RAD54L2: variants seen among roughly 807,000 people sequenced by gnomAD.
The protein encoded by RAD54L2 is RAD54 like 2.
RAD54L2 carries 27 observed loss-of-function variants against 138.4 expected under a neutral mutation model. That is an observed-to-expected ratio of 0.20 (90% CI 0.14 to 0.27). The LOEUF (loss-of-function observed/expected upper bound fraction) is 0.27, where lower values mean the gene tolerates loss of function less well. Among genes scored for constraint, RAD54L2 ranks in the 10% least tolerant of loss-of-function variants. The pLI is 1.00. For synonymous variants in RAD54L2, 644 were observed against 723.2 expected, an observed-to-expected ratio of 0.89 and a Z score of 1.76; for missense variants, 1,396 against 1,890.2, an observed-to-expected ratio of 0.74 and a Z score of 4.85.
chr3:51,579,008 C>T (rs947412815), intron 2 of RAD54L2, among the ~76,000 whole-genome samples: 6 of 152,224 alleles, frequency 3.9e-5, no homozygotes, highest in South Asian at 4.1e-4. Flanking sequence ...AGAGCGGGAC[C>T]GTAATCTTCC....
rs1011789058 is a variant in RAD54L2, at chr3:51,663,393, T to C, written c.4377T>C (p.Asp1459=). ...CCAATGATGATGAGGATAAAGACGATGATGTGATAGAGGTCACTGGGAAAT... is the reference window on the plus strand; with the variant it reads ...CCAATGATGATGAGGATAAAGACGACGATGTGATAGAGGTCACTGGGAAAT... The part of the protein sequence containing the change: ...FSSNDDEDKD[D]DVIEVTGK The change falls in exon 23 of 23, where the codon GAT becomes GAC. Residue 1459 remains aspartate (D), a synonymous_variant. Coordinates refer to ENST00000684192, the MANE Select transcript of RAD54L2 (RefSeq NM_015106.4). The C allele has an allele frequency of 2.5e-6, 4 of 1,613,192 alleles. No homozygotes were observed. Among genetic ancestry groups the C allele is most frequent in the Admixed American group, 1.7e-5 (1 of 59,976 alleles).
At chr3:51,585,759 G>C (rs1190591040) in intron 2 of RAD54L2, among the ~76,000 whole-genome samples, 1 of 152,150 alleles carries the variant, frequency 6.6e-6, no homozygotes, top group Non-Finnish European at 1.5e-5. Context: ...CTTAGGGGTT[G>C]AATATTTGCT....
At chr3:51,557,853 AAG>A (rs1491326444) in intron 2 of RAD54L2, among the ~76,000 whole-genome samples, 2 of 150,530 alleles carry the variant, frequency 1.3e-5, no homozygotes, top group Admixed American at 6.7e-5. Flanking sequence ...AAAAAAAAAA[AAG>A]AACATTCTAT....
At chr3:51,632,135 A>G (rs1450595087) in intron 7 of RAD54L2, among the ~76,000 whole-genome samples, 1 of 152,172 alleles carries the variant, frequency 6.6e-6, no homozygotes, top group African/African-American at 2.4e-5. Context: ...AGTTCCATCC[A>G]TGTTGCTGCA....
At chr3:51,574,151 C>T (rs750013572) in intron 2 of RAD54L2, among the ~76,000 whole-genome samples, 17 of 152,216 alleles carry the variant, frequency 1.1e-4, no homozygotes, top group Non-Finnish European at 2.2e-4. Flanking sequence ...CAGCTTCATC[C>T]ATGTCCCTAC....
intron 3 of RAD54L2, among the ~76,000 whole-genome samples, chr3:51,598,175 G>GTATATA (rs1158790269): frequency 6.3e-5 from 9 of 143,202 alleles, no homozygotes; most frequent in African/African-American, 2.0e-4. Context: ...GTGTGTGTGT[G>GTATATA]TGTATATATA....
chr3:51,583,899 A>T, intron 2 of RAD54L2, among the ~76,000 whole-genome samples: 1 of 148,254 alleles, frequency 6.7e-6, no homozygotes, highest in African/African-American at 2.5e-5. Flanking sequence ...GGGCTCAGAG[A>T]CTCCCTGAAT....
At chr3:51,657,916 CTTTTTTTTTTTTTTTT>C in intron 21 of RAD54L2, among the ~76,000 whole-genome samples, 1 of 87,444 alleles carries the variant, frequency 1.1e-5, no homozygotes, top group South Asian at 4.4e-4. Context: ...ATCTTGCTGT[CTTTTTTTTTTTTTTTT>C]TTTTTTTTTT....
chr3:51,587,835 T>A (rs1699742058), intron 2 of RAD54L2, among the ~76,000 whole-genome samples: 1 of 152,200 alleles, frequency 6.6e-6, no homozygotes, highest in Admixed American at 6.5e-5. Flanking sequence ...AGACTTGTAC[T>A]TCAGTTTTTA....
intron 3 of RAD54L2, among the ~76,000 whole-genome samples, chr3:51,622,494 C>T (rs558177421): frequency 2.6e-5 from 4 of 152,160 alleles, no homozygotes; most frequent in African/African-American, 9.7e-5. Context: ...TTGACCATTT[C>T]TCCTTTGCTT....
At chr3:51,640,887 G>C (rs1701115861) in intron 14 of RAD54L2, among the ~76,000 whole-genome samples, 1 of 152,246 alleles carries the variant, frequency 6.6e-6, no homozygotes, top group Non-Finnish European at 1.5e-5. Flanking sequence ...AGAATGAAGA[G>C]AGTATTTTTT....
chr3:51,631,564 G>C (rs1189545534), intron 7 of RAD54L2, among the ~76,000 whole-genome samples: 1 of 136,360 alleles, frequency 7.3e-6, no homozygotes, highest in African/African-American at 2.8e-5. Flanking sequence ...AGCTGATCTT[G>C]AACTCCTGAG....
chr3:51,572,925 A>T (rs1348613430), intron 2 of RAD54L2, among the ~76,000 whole-genome samples: 2 of 151,994 alleles, frequency 1.3e-5, no homozygotes, highest in Non-Finnish European at 2.9e-5. Flanking sequence ...GGTATGAGCC[A>T]CTGTGCCTGG....
chr3:51,556,064 T>C (rs937730981), intron 2 of RAD54L2, among the ~76,000 whole-genome samples: 1 of 152,228 alleles, frequency 6.6e-6, no homozygotes, highest in African/African-American at 2.4e-5. Flanking sequence ...TTGATTTACC[T>C]ATTACATCCT....
chr3:51,593,327 T>C lies in RAD54L2; in HGVS notation c.139+2768T>C, dbSNP rs866093159. 2.1e-3 allele frequency among the ~76,000 whole-genome samples: 257 copies of C among 120,984 alleles called. 2 individuals are homozygous for C. The highest frequency in any genetic ancestry group is 8.7e-3 in the African/African-American group (243 of 27,774). 79.4% of individuals were successfully genotyped at this position (120,984 alleles called of 152,430 possible). ...ACAAAAGAAACTTACTTCAGCCCCT[T>C]TTTTTTTTTTTTTATGTTTTTTTGA... On this transcript the variant is annotated intron_variant, in intron 3 of 22. Transcript: ENST00000684192.
intron 6 of RAD54L2, 44 bp downstream of exon 6, chr3:51,630,432 C>T (rs1226654289): frequency 1.3e-6 from 2 of 1,532,484 alleles, no homozygotes; most frequent in Admixed American, 3.3e-5. Context: ...ACCTGGTGTT[C>T]ATGCTGAGAT....
Position 51,657,605 on chromosome 3 carries a change from C to T in RAD54L2, c.3252C>T (p.Ser1084=). Residue 1084 remains serine (S), a synonymous_variant, in exon 21 of 23, where the codon AGC becomes AGT. Transcript: ENST00000684192. ...ATATTGTTATTCCTGGACTCAACAG[C>T]TCCACAGATGTACAGGCAAGAATTA... ...TTDIVIPGLN[S]STDVQARINA... 1 of 1,581,902 alleles carries T rather than the reference C, an allele frequency of 6.3e-7. No individual in the cohort carries two copies. Among genetic ancestry groups the T allele is most frequent in the African/African-American group, 1.3e-5 (1 of 74,526 alleles).
At chr3:51,652,203 A>G (rs1303991473) in intron 19 of RAD54L2, among the ~76,000 whole-genome samples, 2 of 152,220 alleles carry the variant, frequency 1.3e-5, no homozygotes, top group African/African-American at 4.8e-5. Context: ...AGAGAATAAA[A>G]TACCTAGGAA....
intron 6 of RAD54L2, 99 bp from the exon 7 acceptor site, chr3:51,630,606 G>A: frequency 4.5e-6 from 5 of 1,109,610 alleles, no homozygotes; most frequent in Non-Finnish European, 6.5e-6. Context: ...GTGTTGACAA[G>A]TTCTAACTTT....
Sources: allele counts gnomAD v4.1 joint callset (sites outside exome capture counted in the v4.1 genomes callset), GRCh38; gene constraint gnomAD v4.1.1; transcripts MANE v1.5; gene names NCBI Gene and HGNC (gene_info 2026-07-23, HGNC 2026-07-21).